The following DNAH6 variants were observed in gnomAD, a reference collection of about 807,000 sequenced individuals.
DNAH6 encodes axonemal beta dynein heavy chain 6.
A neutral mutation model predicts 491.4 loss-of-function variants in DNAH6; 340 were observed. That is an observed-to-expected ratio of 0.69 (90% CI 0.63 to 0.76). The LOEUF is 0.76. Ranked by LOEUF, DNAH6 falls within the 30% of genes least tolerant of loss-of-function variation. The pLI is 0.00. For synonymous variants in DNAH6, 1,603 were observed against 1,686.1 expected (o/e 0.95, Z 1.21); for missense variants, 4,443 against 4,972.2 (o/e 0.89, Z 3.20).
intron 33 of DNAH6, among the ~76,000 whole-genome samples, chr2:84,649,321 TG>T (rs777294338): frequency 5.3e-5 from 8 of 152,192 alleles, no homozygotes; most frequent in Non-Finnish European, 8.8e-5. Flanking sequence ...AGTTTCACAA[TG>T]AATGGTAATA....
chr2:84,717,969 A>G (rs1243267761), intron 58 of DNAH6, among the ~76,000 whole-genome samples: 1 of 152,224 alleles, frequency 6.6e-6, no homozygotes, highest in African/African-American at 2.4e-5. Context: ...GAACTTCAGT[A>G]GTATGCATCT....
intron 31 of DNAH6, among the ~76,000 whole-genome samples, chr2:84,637,915 G>T (rs79686881): frequency 0.012 from 1,885 of 152,088 alleles, 43 homozygotes; most frequent in African/African-American, 0.044. Flanking sequence ...AAATAGCCAA[G>T]AATTTAAATG....
At chr2:84,778,255 G>A in intron 64 of DNAH6, 1 of 607,466 alleles carries the variant, frequency 1.6e-6, no homozygotes, top group South Asian at 1.8e-5. Context: ...AATCAGGAAT[G>A]CATGTCCGGC....
rs138418218 is a variant in DNAH6 at position 84,596,731 on chromosome 2, T to G, written c.2868+942T>G. 3.9e-5 allele frequency among the ~76,000 whole-genome samples: 6 copies of G among 152,288 alleles called. No individual in the cohort carries two copies. In the East Asian group the frequency reaches 1.2e-3, roughly 29 times the overall value. Reference sequence around the variant, plus strand: ...GCTTCAGACACAATGAGAAGAAAATTTTCCAGCTTGAAAAGAGTGTTATTT... The same window carrying G: ...GCTTCAGACACAATGAGAAGAAAATGTTCCAGCTTGAAAAGAGTGTTATTT... On this transcript the variant is annotated intron_variant, in intron 18 of 76. Transcript: ENST00000389394.
rs768095879 is a variant in DNAH6 at position 84,694,347 on chromosome 2, G to A, written c.7391G>A (p.Cys2464Tyr). The A allele has an allele frequency of 5.2e-6, 8 of 1,552,406 alleles. No individual in the cohort carries two copies. The highest frequency in any genetic ancestry group is 3.6e-5 in the South Asian group (3 of 84,066). The part of the protein sequence containing the change: ...QSLTRLAAHI[C>Y]GYKCLQIELS... ...CTCACGAGACTTGCAGCTCATATATGCGGTTACAAATGTTTGCAGATTGAA... is the reference window on the plus strand; with the variant it reads ...CTCACGAGACTTGCAGCTCATATATACGGTTACAAATGTTTGCAGATTGAA... The change falls in exon 46 of 77, where the codon TGC (cysteine) becomes TAC (tyrosine). Residue 2464 changes from cysteine (C) to tyrosine (Y), a missense_variant. Around this residue, in one of 3 missense-constraint regions of DNAH6, gnomAD observed 2,977 missense variants for 3,296.6 expected, o/e 0.90. Transcript: ENST00000389394.
intron 11 of DNAH6, among the ~76,000 whole-genome samples, chr2:84,571,475 T>C (rs550188714): frequency 1.3e-5 from 2 of 152,180 alleles, no homozygotes; most frequent in African/African-American, 4.8e-5. Context: ...ACATCACTTA[T>C]GTAGCATTAC....
intron 18 of DNAH6, among the ~76,000 whole-genome samples, chr2:84,601,424 T>TA (rs1246137338): frequency 6.6e-6 from 1 of 152,056 alleles, no homozygotes; most frequent in African/African-American, 2.4e-5. Flanking sequence ...TTAGTATTGT[T>TA]ACTTCTTTTT....
intron 58 of DNAH6, among the ~76,000 whole-genome samples, chr2:84,716,475 C>A (rs984386085): frequency 1.3e-5 from 2 of 152,046 alleles, no homozygotes; most frequent in African/African-American, 4.8e-5. Flanking sequence ...CCCTTATATT[C>A]AAGTCAAGAT....
intron 68 of DNAH6, among the ~76,000 whole-genome samples, chr2:84,793,366 A>T (rs1388228275): frequency 6.6e-6 from 1 of 152,226 alleles, no homozygotes; most frequent in African/African-American, 2.4e-5. Flanking sequence ...ATGAAAAAGG[A>T]TAGAGTCAAA....
chr2:84,698,763 A>G (rs1695618648), intron 47 of DNAH6, among the ~76,000 whole-genome samples: 1 of 152,242 alleles, frequency 6.6e-6, no homozygotes, highest in South Asian at 2.1e-4. Flanking sequence ...ACTATTCACA[A>G]TAGCAAAGAC....
chr2:84,586,069 C>T (rs1239100095), intron 15 of DNAH6, among the ~76,000 whole-genome samples: 4 of 152,202 alleles, frequency 2.6e-5, no homozygotes, highest in Non-Finnish European at 5.9e-5. Flanking sequence ...CAAAGAAGTG[C>T]CTGCTCCCAC....
chr2:84,690,539 G>A (rs187039221), intron 45 of DNAH6, among the ~76,000 whole-genome samples: 1 of 152,292 alleles, frequency 6.6e-6, no homozygotes, highest in Admixed American at 6.5e-5. Context: ...AGCAAAGTTG[G>A]CTTAATTCTA....
intron 74 of DNAH6, 95 bp from the exon 75 acceptor site, chr2:84,813,876 C>T: frequency 7.5e-7 from 1 of 1,326,462 alleles, no homozygotes; most frequent in Non-Finnish European, 1.0e-6. Flanking sequence ...GGAAGGCTCT[C>T]TAATGCCAGG....
the DNAH6 span, among the ~76,000 whole-genome samples, chr2:84,493,791 C>T: frequency 6.6e-6 from 1 of 152,296 alleles, no homozygotes; most frequent in Admixed American, 6.5e-5. Context: ...GACACAACAG[C>T]TTCAGGCCCA....
upstream of DNAH6, among the ~76,000 whole-genome samples, chr2:84,513,227 C>T (rs1675402872): frequency 6.6e-6 from 1 of 151,826 alleles, no homozygotes; most frequent in Non-Finnish European, 1.5e-5. Context: ...TTGCATGTCT[C>T]ATACTTTTGG....
chr2:84,683,553 G>C (rs1359855220), intron 42 of DNAH6, among the ~76,000 whole-genome samples: 1 of 149,894 alleles, frequency 6.7e-6, no homozygotes, highest in Admixed American at 6.7e-5. Context: ...CTCCCAAAAA[G>C]CTTGGATTAC....
rs769299206 is a variant in DNAH6 at position 84,529,155 on chromosome 2, A to G, written c.651A>G (p.Thr217=). 17 of 1,542,042 alleles carry G rather than the reference A, an allele frequency of 1.1e-5. No individual in the cohort carries two copies. The highest frequency in any genetic ancestry group is 1.5e-5 in the Non-Finnish European group (17 of 1,140,192). The change falls in exon 4 of 77, where the codon ACA becomes ACG. Residue 217 remains threonine (T), a synonymous_variant. Coordinates refer to ENST00000389394, the MANE Select transcript of DNAH6 (RefSeq NM_001370.2). ...AVPRSSIEYD[T]YNLKVVSYEN... ...CAAGATCATCCATTGAATATGATAC[A>G]TATAATCTAAAGTGAGTTATTTTTT...
intron 10 of DNAH6, among the ~76,000 whole-genome samples, chr2:84,555,172 A>G (rs1284199969): frequency 1.3e-5 from 2 of 152,218 alleles, no homozygotes; most frequent in African/African-American, 2.4e-5. Context: ...ACACATAGAG[A>G]TTAATCTAAA....
At chr2:84,599,376 A>G (rs77840298) in intron 18 of DNAH6, among the ~76,000 whole-genome samples, 4,365 of 152,080 alleles carry the variant, frequency 0.029, 229 homozygotes, top group African/African-American at 0.099. Context: ...TCAAGCTTTT[A>G]GTATAGTATC....
Sources: gnomAD v4.1 joint callset for allele counts (sites outside exome capture counted in the v4.1 genomes callset) on GRCh38, gnomAD v4.1.1 for gene constraint, gnomAD v4.1.1 regional missense constraint, MANE v1.5 for transcripts, NCBI Gene and HGNC (gene_info 2026-07-23, HGNC 2026-07-21) for gene names.